The following LMO7 variants were observed in gnomAD, a reference collection of about 807,000 sequenced individuals.
LMO7 encodes the protein LIM domain 7, also known as LIM domain only protein 7.
A neutral mutation model predicts 206.5 loss-of-function variants in LMO7; 120 were observed. The ratio of observed to expected loss-of-function variants is 0.58; its 90% CI spans 0.50 to 0.68. The LOEUF is 0.68. Ranked by LOEUF, LMO7 falls within the 30% of genes least tolerant of loss-of-function variation. The probability of loss-of-function intolerance (pLI) is 0.00; values close to 1 mark genes in which losing one functional copy is unlikely to be tolerated. For synonymous variants in LMO7, 706 were observed against 681.5 expected (o/e 1.04, Z -0.56); for missense variants, 1,959 against 1,957.9 (o/e 1.00, Z -0.01).
At chr13:75,760,524 A>C (rs931386510) in intron 3 of LMO7, 3 of 1,276,786 alleles carry the variant, frequency 2.3e-6, no homozygotes, top group Middle Eastern at 3.0e-4. Context: ...TGGGTGGGTG[A>C]ATGTCAGTAG....
At chr13:75,726,806 C>G (rs508596) in intron 2 of LMO7, among the ~76,000 whole-genome samples, 1 of 151,848 alleles carries the variant, frequency 6.6e-6, no homozygotes, top group African/African-American at 2.4e-5. Flanking sequence ...GTCTGTGTCT[C>G]CACATAAAGG....
At chr13:75,805,100 A>G (rs994839154) in intron 8 of LMO7, 56 of 1,022,316 alleles carry the variant, frequency 5.5e-5, no homozygotes, top group Non-Finnish European at 6.3e-5. Context: ...CTTGTCCGCA[A>G]ATATTTTCTC....
intron 7 of LMO7, among the ~76,000 whole-genome samples, chr13:75,803,075 G>T (rs964190819): frequency 6.6e-6 from 1 of 152,166 alleles, no homozygotes; most frequent in Non-Finnish European, 1.5e-5. Context: ...TATTGGAAAT[G>T]AGAAATAAAT....
chr13:75,755,898 A>G (rs1165914742), intron 3 of LMO7, among the ~76,000 whole-genome samples: 1 of 152,220 alleles, frequency 6.6e-6, no homozygotes, highest in Non-Finnish European at 1.5e-5. Context: ...CTTCTTGTGG[A>G]TTATAGTAAA....
chr13:75,784,999 A>C (rs1010366437), intron 4 of LMO7, among the ~76,000 whole-genome samples: 3 of 152,096 alleles, frequency 2.0e-5, no homozygotes, highest in African/African-American at 7.2e-5. Flanking sequence ...CTTTGGCAAT[A>C]TTTCATTTGT....
At chr13:75,707,205 A>G (rs1039525405) in intron 1 of LMO7, among the ~76,000 whole-genome samples, 2 of 151,732 alleles carry the variant, frequency 1.3e-5, no homozygotes, top group Non-Finnish European at 2.9e-5. Context: ...ACAAAAGATA[A>G]CATTAAAAAT....
At chr13:75,789,376 C>T (rs2052924957) in intron 4 of LMO7, among the ~76,000 whole-genome samples, 4 of 152,122 alleles carry the variant, frequency 2.6e-5, no homozygotes, top group Non-Finnish European at 4.4e-5. Flanking sequence ...TCAGGCCTTC[C>T]AGCGTTGCAA....
At chr13:75,668,702 T>A (rs1030886944) in intron 1 of LMO7, among the ~76,000 whole-genome samples, 1 of 152,186 alleles carries the variant, frequency 6.6e-6, no homozygotes, top group Non-Finnish European at 1.5e-5. Context: ...AGTTTTTATC[T>A]GTAGAAGGTT....
chr13:75,640,940 C>T (rs893119329), intron 1 of LMO7, among the ~76,000 whole-genome samples: 6 of 152,170 alleles, frequency 3.9e-5, no homozygotes, highest in South Asian at 2.1e-4. Context: ...ACTCTACTGC[C>T]GTCCACTTGA....
chr13:75,800,332 T>C (rs1425851579), intron 6 of LMO7, among the ~76,000 whole-genome samples: 3 of 152,236 alleles, frequency 2.0e-5, no homozygotes, highest in Non-Finnish European at 2.9e-5. Context: ...GCTAGAGAAC[T>C]GTAATAACTG....
chr13:75,643,643 G>T (rs568663322), intron 1 of LMO7, among the ~76,000 whole-genome samples: 1 of 152,278 alleles, frequency 6.6e-6, no homozygotes, highest in African/African-American at 2.4e-5. Context: ...AATAATTATT[G>T]GTTGTATATC....
At chr13:75,727,545 A>G (rs1242465176) in intron 3 of LMO7, among the ~76,000 whole-genome samples, 1 of 152,160 alleles carries the variant, frequency 6.6e-6, no homozygotes, top group Non-Finnish European at 1.5e-5. Context: ...ATTTACAAAT[A>G]AACATATAAT....
intron 1 of LMO7, among the ~76,000 whole-genome samples, chr13:75,646,013 T>C (rs1225158189): frequency 6.6e-6 from 1 of 152,230 alleles, no homozygotes; most frequent in East Asian, 1.9e-4. Flanking sequence ...TTTCCCACTG[T>C]AGGTCTGATA....
chr13:75,623,706 A>C (rs2033646306), intron 2 of LMO7, among the ~76,000 whole-genome samples: 1 of 152,156 alleles, frequency 6.6e-6, no homozygotes, highest in Non-Finnish European at 1.5e-5. Flanking sequence ...AATTTATTTT[A>C]GGTATCATCA....
chr13:75,795,141 C>T (rs893643600), intron 4 of LMO7, among the ~76,000 whole-genome samples: 1 of 151,916 alleles, frequency 6.6e-6, no homozygotes, highest in Non-Finnish European at 1.5e-5. Context: ...AATGAAAAAA[C>T]AGCACTGCTT....
intron 1 of LMO7, among the ~76,000 whole-genome samples, chr13:75,657,129 A>C (rs2038132769): frequency 6.6e-6 from 1 of 152,200 alleles, no homozygotes; most frequent in South Asian, 2.1e-4. Flanking sequence ...TGCTTCTACA[A>C]GGCAAGGATG....
chr13:75,737,968 G>C (rs925312690), intron 3 of LMO7, among the ~76,000 whole-genome samples: 1 of 151,362 alleles, frequency 6.6e-6, no homozygotes, highest in Non-Finnish European at 1.5e-5. Flanking sequence ...GAATCTGAAT[G>C]GATTCCTTTT....
At chr13:75,622,502 T>C (rs544920855) in intron 1 of LMO7, among the ~76,000 whole-genome samples, 1 of 152,212 alleles carries the variant, frequency 6.6e-6, no homozygotes, top group Non-Finnish European at 1.5e-5. Context: ...TTCTAAATCT[T>C]GTAATTGTCT....
Position 75,760,999 on chromosome 13 carries a change from C to G in LMO7, c.278C>G (p.Pro93Arg), listed in dbSNP as rs1594781267. Residue 93 changes from proline (P) to arginine (R), a missense_variant, in exon 4 of 31, where the codon CCT becomes CGT. Physicochemically the swap from Pro to Arg is moderately radical, Grantham distance 103. Transcript: ENST00000377534. ...IGLKEAQLFH[P>R]GDLQDLSNRV... ...TTGAAAGAAGCCCAGCTTTTCCATC[C>G]TGGAGATCTACAGGATTTATCAAAT... 1 of 1,613,078 alleles carries G rather than the reference C, an allele frequency of 6.2e-7. No homozygotes were observed.
Sources: allele counts gnomAD v4.1 joint callset (sites outside exome capture counted in the v4.1 genomes callset), GRCh38; gene constraint gnomAD v4.1.1; transcripts MANE v1.5; gene names NCBI Gene and HGNC (gene_info 2026-07-23, HGNC 2026-07-21).